TBXAS1: variants seen among roughly 807,000 people sequenced by gnomAD.
TBXAS1 encodes thromboxane-A synthase.
A neutral mutation model predicts 60.7 loss-of-function variants in TBXAS1; 48 were observed. That is an observed-to-expected ratio of 0.79 (90% CI 0.63 to 1.01). The LOEUF is 1.01. Ranked by LOEUF, TBXAS1 falls within the 50% of genes least tolerant of loss-of-function variation. The pLI, the probability that TBXAS1 is intolerant of heterozygous loss-of-function variation, is 0.00. For missense variants in TBXAS1, 685 were observed against 686.3 expected (o/e 1.00, Z 0.02); for synonymous variants, 287 against 269.7 (o/e 1.06, Z -0.63).
intron 1 of TBXAS1, among the ~76,000 whole-genome samples, chr7:139,838,481 C>T (rs1446661416): frequency 6.6e-6 from 1 of 152,168 alleles, no homozygotes; most frequent in Non-Finnish European, 1.5e-5. Context: ...TGACCCACTC[C>T]CTTTCCTGAA....
At chr7:139,977,907 A>C (rs1234214644) in intron 9 of TBXAS1, among the ~76,000 whole-genome samples, 4 of 152,240 alleles carry the variant, frequency 2.6e-5, no homozygotes, top group Non-Finnish European at 4.4e-5. Context: ...TTAACCAAAA[A>C]TATTGGATAA....
intron 5 of TBXAS1, among the ~76,000 whole-genome samples, chr7:139,951,573 T>C (rs956610438): frequency 8.2e-5 from 8 of 97,606 alleles, no homozygotes; most frequent in African/African-American, 1.3e-4. Context: ...CTGATCAACA[T>C]GGTGGAATCC....
chr7:139,990,760 C>T (rs961934102), intron 9 of TBXAS1, among the ~76,000 whole-genome samples: 2 of 151,492 alleles, frequency 1.3e-5, no homozygotes, highest in Non-Finnish European at 2.9e-5. Flanking sequence ...AACTTGACCT[C>T]TACCCCTGGC....
intron 9 of TBXAS1, among the ~76,000 whole-genome samples, chr7:139,988,878 ACT>A (rs1350533750): frequency 4.0e-5 from 6 of 151,844 alleles, no homozygotes; most frequent in Non-Finnish European, 7.4e-5. Context: ...GAGCAGGAAC[ACT>A]CTTGCTCAGG....
chr7:139,988,363 C>T (rs1018930928), intron 9 of TBXAS1, among the ~76,000 whole-genome samples: 12 of 152,226 alleles, frequency 7.9e-5, no homozygotes, highest in Admixed American at 2.6e-4. Context: ...CCTTACCCAT[C>T]ACACTTGCGC....
Position 139,936,230 on chromosome 7 carries a change from C to T in TBXAS1, c.373C>T (p.Leu125=). ...LEFKSVADSV[L]FLRDKRWEEV... ...GTTCAAGTCGGTAGCCGACAGCGTT[C>T]TGTTTTTACGTGACAAAAGATGGGA... The change falls in exon 5 of 13, where the codon CTG becomes TTG. Residue 125 remains leucine, a synonymous_variant. Transcript: ENST00000448866. 6.2e-7 allele frequency: 1 copy of T among 1,614,108 alleles called. No individual in the cohort carries two copies. The highest frequency in any genetic ancestry group is 8.5e-7 in the Non-Finnish European group (1 of 1,179,926).
At chr7:139,922,151 G>A (rs1016545134) in intron 4 of TBXAS1, among the ~76,000 whole-genome samples, 3 of 150,334 alleles carry the variant, frequency 2.0e-5, no homozygotes, top group African/African-American at 7.4e-5. Flanking sequence ...GCCCAGGCTG[G>A]AGTGCAATGG....
chr7:139,951,529 G>A (rs1030974179), intron 5 of TBXAS1, among the ~76,000 whole-genome samples: 2 of 137,450 alleles, frequency 1.5e-5, no homozygotes, highest in African/African-American at 5.6e-5. Context: ...AGGCCAAAGT[G>A]GGTGGATCAC....
At chr7:139,920,424 T>C (rs1806370135) in intron 4 of TBXAS1, among the ~76,000 whole-genome samples, 1 of 152,202 alleles carries the variant, frequency 6.6e-6, no homozygotes, top group Admixed American at 6.5e-5. Context: ...CCATAGGCCC[T>C]AAAAGGGGCC....
intron 4 of TBXAS1, among the ~76,000 whole-genome samples, chr7:139,921,025 G>A (rs772458942): frequency 3.3e-5 from 5 of 152,022 alleles, no homozygotes; most frequent in East Asian, 1.9e-4. Context: ...GTTGATTTTC[G>A]TCTTGTTAGT....
intron 1 of TBXAS1, among the ~76,000 whole-genome samples, chr7:139,858,834 C>A (rs1183464442): frequency 1.3e-5 from 2 of 152,186 alleles, no homozygotes; most frequent in Non-Finnish European, 2.9e-5. Context: ...AAAAATCTTT[C>A]ATTATAAAGC....
At chr7:139,784,198 C>T (rs1585493641) in intron 3 of TBXAS1, among the ~76,000 whole-genome samples, 3 of 130,536 alleles carry the variant, frequency 2.3e-5, no homozygotes, top group African/African-American at 8.3e-5. Flanking sequence ...TTCTTTCCTT[C>T]TTTCGTTTGT....
chr7:139,826,173 C>T (rs1029484294), upstream of TBXAS1, among the ~76,000 whole-genome samples: 3 of 152,160 alleles, frequency 2.0e-5, no homozygotes, highest in African/African-American at 7.2e-5. Flanking sequence ...GTTCCTGTGG[C>T]TGAACATGGA....
intron 1 of TBXAS1, among the ~76,000 whole-genome samples, chr7:139,844,499 T>C (rs1159696410): frequency 6.6e-6 from 1 of 152,216 alleles, no homozygotes; most frequent in African/African-American, 2.4e-5. Context: ...ATAACCAGCA[T>C]TAGTGTACCA....
chr7:139,820,547 G>C (rs995307477), intron 4 of TBXAS1, among the ~76,000 whole-genome samples: 3 of 152,132 alleles, frequency 2.0e-5, no homozygotes, highest in Non-Finnish European at 4.4e-5. Flanking sequence ...GAGGAGGTCT[G>C]TATTAATTTT....
At chr7:139,853,143 T>A (rs1800342560) in intron 1 of TBXAS1, among the ~76,000 whole-genome samples, 1 of 152,060 alleles carries the variant, frequency 6.6e-6, no homozygotes, top group Non-Finnish European at 1.5e-5. Context: ...TTATTTCAAG[T>A]CTTGAAGCCC....
chr7:139,779,864 C>T (rs1272269447), intron 1 of TBXAS1, among the ~76,000 whole-genome samples: 1 of 152,176 alleles, frequency 6.6e-6, no homozygotes, highest in Non-Finnish European at 1.5e-5. Flanking sequence ...ACTTGTAGCC[C>T]AGTGCCAGCT....
At chr7:139,847,969 G>A (rs756425047) in intron 1 of TBXAS1, among the ~76,000 whole-genome samples, 1 of 152,008 alleles carries the variant, frequency 6.6e-6, no homozygotes, top group African/African-American at 2.4e-5. Context: ...CTATAGACAT[G>A]TGCCACCATG....
At chr7:139,903,810 TC>T (rs1427608364) in intron 3 of TBXAS1, among the ~76,000 whole-genome samples, 2 of 152,072 alleles carry the variant, frequency 1.3e-5, no homozygotes, top group African/African-American at 2.4e-5. Context: ...TTTGTTTTTT[TC>T]TTACTGATTT....
Sources: gnomAD v4.1 joint callset for allele counts (sites outside exome capture counted in the v4.1 genomes callset) on GRCh38, gnomAD v4.1.1 for gene constraint, MANE v1.5 for transcripts, NCBI Gene and HGNC (gene_info 2026-07-23, HGNC 2026-07-21) for gene names.